Variants in MCF2L observed in about 807,000 individuals in gnomAD.
MCF2L encodes the protein MCF.2 cell line derived transforming sequence like, also known as guanine nucleotide exchange factor DBS.
Under a neutral mutation model 153.4 loss-of-function variants are expected in MCF2L, and 97 were observed. That is an observed-to-expected ratio of 0.63 (90% confidence interval 0.54 to 0.75). MCF2L has a LOEUF of 0.75. Ranked by LOEUF, MCF2L falls within the 30% of genes least tolerant of loss-of-function variation. The pLI is 0.00. For missense variants in MCF2L, 1,347 were observed against 1,495.2 expected (o/e 0.90, Z 1.64); for synonymous variants, 659 against 632.2 (o/e 1.04, Z -0.64).
intron 2 of MCF2L, among the ~76,000 whole-genome samples, chr13:113,022,564 AG>A (rs1184914034): frequency 6.6e-6 from 1 of 152,240 alleles, no homozygotes; most frequent in Non-Finnish European, 1.5e-5. Context: ...GCCCCGTTTC[AG>A]GGAAAGGAAA....
chr13:113,055,382 CCACACACACACACA>C lies in MCF2L; in HGVS notation c.370-5161_370-5148del, dbSNP rs59884971. ...CTGGAGACGTGGACCCCCCCCCCCGCCACACACACACACACACACACACACACACACACACACAC... is the reference window on the plus strand; with the variant it reads ...CTGGAGACGTGGACCCCCCCCCCCGCCACACACACACACACACACACACAC... On this transcript the variant is annotated intron_variant, in intron 4 of 29. Transcript: ENST00000535094. Among the ~76,000 whole-genome samples, 20 of 15,244 alleles carry C rather than the reference CCACACACACACACA, an allele frequency of 1.3e-3. 2 individuals carry two copies. The highest frequency in any genetic ancestry group is 2.1e-3 in the East Asian group (1 of 472). 10.0% of individuals were successfully genotyped at this position (15,244 alleles called of 152,430 possible).
intron 2 of MCF2L, among the ~76,000 whole-genome samples, chr13:112,961,664 C>T (rs2081828039): frequency 6.6e-6 from 1 of 152,378 alleles, no homozygotes; most frequent in East Asian, 1.9e-4. Flanking sequence ...TGTGGCCACA[C>T]ACACAGCTGG....
chr13:113,095,405 T>C, intron 27 of MCF2L: 1 of 1,094,844 alleles, frequency 9.1e-7, no homozygotes, highest in Non-Finnish European at 1.1e-6. Flanking sequence ...AGAACAGATG[T>C]GGGGGACACA....
intron 1 of MCF2L, among the ~76,000 whole-genome samples, chr13:113,005,912 G>A (rs1260697939): frequency 6.6e-6 from 1 of 152,256 alleles, no homozygotes; most frequent in Non-Finnish European, 1.5e-5. Context: ...CTCAGGAAGT[G>A]ATGAGCCAGC....
chr13:113,039,902 GGAGT>G (rs1272165053), intron 3 of MCF2L, among the ~76,000 whole-genome samples: 1 of 152,186 alleles, frequency 6.6e-6, no homozygotes, highest in Non-Finnish European at 1.5e-5. Context: ...ATGTCCAACA[GGAGT>G]GTGTATTGTG....
chr13:113,008,488 T>G (rs1163157704), intron 1 of MCF2L, among the ~76,000 whole-genome samples: 1 of 152,176 alleles, frequency 6.6e-6, no homozygotes, highest in Non-Finnish European at 1.5e-5. Flanking sequence ...TTAAGTCTTT[T>G]TAAAATCTAA....
At chr13:113,022,905 G>T (rs1158222452) in intron 2 of MCF2L, among the ~76,000 whole-genome samples, 1 of 152,248 alleles carries the variant, frequency 6.6e-6, no homozygotes, top group African/African-American at 2.4e-5. Flanking sequence ...AATGATGAAA[G>T]GTTTGTGAGT....
At chr13:113,023,295 A>C (rs933317373) in intron 2 of MCF2L, among the ~76,000 whole-genome samples, 1 of 152,222 alleles carries the variant, frequency 6.6e-6, no homozygotes, top group South Asian at 2.1e-4. Context: ...ATAATGAGTC[A>C]TGTCCCATTG....
intron 2 of MCF2L, among the ~76,000 whole-genome samples, chr13:112,958,751 C>A (rs979719092): frequency 6.6e-6 from 1 of 152,210 alleles, no homozygotes; most frequent in Non-Finnish European, 1.5e-5. Flanking sequence ...CTGGAATGCC[C>A]CCAGCCCTGC....
At chr13:113,048,183 C>T (rs1419656943) in intron 4 of MCF2L, among the ~76,000 whole-genome samples, 3 of 152,218 alleles carry the variant, frequency 2.0e-5, no homozygotes, top group Non-Finnish European at 2.9e-5. Context: ...AGTGTGTGAT[C>T]GGATGAATTT....
chr13:112,917,991 G>A (rs2081312887), intron 2 of MCF2L, among the ~76,000 whole-genome samples: 1 of 152,198 alleles, frequency 6.6e-6, no homozygotes, highest in African/African-American at 2.4e-5. Context: ...TCTGTTTGAA[G>A]TCCCCTGGGA....
chr13:112,988,796 G>A (rs35785506), intron 1 of MCF2L, among the ~76,000 whole-genome samples: 5 of 91,436 alleles, frequency 5.5e-5, no homozygotes, highest in Non-Finnish European at 4.8e-5. Flanking sequence ...CCTGAGCAGG[G>A]GATGGGCTAC....
At chr13:112,971,218 C>T (rs957792215) in intron 1 of MCF2L, among the ~76,000 whole-genome samples, 3 of 152,256 alleles carry the variant, frequency 2.0e-5, no homozygotes, top group Middle Eastern at 6.8e-3. Flanking sequence ...ATGTGGTGCA[C>T]ATTCTCTGGT....
intron 25 of MCF2L, among the ~76,000 whole-genome samples, chr13:113,089,004 C>T (rs762139408): frequency 6.6e-6 from 1 of 152,228 alleles, no homozygotes; most frequent in Non-Finnish European, 1.5e-5. Flanking sequence ...ACCGTGGCTT[C>T]GTCGTGTCTC....
intron 2 of MCF2L, among the ~76,000 whole-genome samples, chr13:112,950,550 C>G (rs2081681679): frequency 6.6e-6 from 1 of 152,130 alleles, no homozygotes; most frequent in Non-Finnish European, 1.5e-5. Context: ...TAGAACAGAA[C>G]AGAGAACTCA....
intron 1 of MCF2L, among the ~76,000 whole-genome samples, chr13:112,898,941 A>C (rs898389698): frequency 6.7e-6 from 1 of 148,676 alleles, no homozygotes; most frequent in South Asian, 2.2e-4. Flanking sequence ...CCACCACCCC[A>C]CCCTGTGCCC....
rs140143423 is a variant in MCF2L at position 113,022,112 on chromosome 13, G to A, written c.164-2532G>A. On this transcript the variant is annotated intron_variant, in intron 2 of 29. Coordinates refer to ENST00000535094, the MANE Select transcript of MCF2L (RefSeq NM_001112732.3). ...CTCAGGCTGGCCTCTGGGGGTCCCC[G>A]GTCTCTGTGGTTCCAGTGAGGCAGC... is the stretch of plus-strand genomic sequence containing the variant. Among the ~76,000 whole-genome samples, 1,024 of 152,238 alleles carry A rather than the reference G, an allele frequency of 6.7e-3. 13 individuals carry two copies. The highest frequency in any genetic ancestry group is 0.02 in the African/African-American group (824 of 41,554).
intron 2 of MCF2L, among the ~76,000 whole-genome samples, chr13:112,921,826 C>T (rs1206728676): frequency 6.6e-6 from 1 of 152,142 alleles, no homozygotes; most frequent in Non-Finnish European, 1.5e-5. Flanking sequence ...AAAAGTACAA[C>T]ACACAACTTA....
At position 113,065,157 on chromosome 13, in the gene MCF2L, C is replaced by T. The variant is rs576443147; in HGVS notation, c.756+72C>T. 1.3e-4 allele frequency: 202 copies of T among 1,551,934 alleles called. 1 individual carries two copies. In the South Asian group the frequency reaches 1.7e-3, roughly 13 times the overall value. ...GTCAGAAGCTGCGCGGGGCTCCGGTCGGAAGCTGCGGGGGGTCTTTCGTCC... is the reference window on the plus strand; with the variant it reads ...GTCAGAAGCTGCGCGGGGCTCCGGTTGGAAGCTGCGGGGGGTCTTTCGTCC... On this transcript the variant is annotated intron_variant, in intron 7 of 29. Transcript: ENST00000535094.
Sources: gnomAD v4.1 joint callset for allele counts (sites outside exome capture counted in the v4.1 genomes callset) on GRCh38, gnomAD v4.1.1 for gene constraint, MANE v1.5 for transcripts, NCBI Gene and HGNC (gene_info 2026-07-23, HGNC 2026-07-21) for gene names.